The following CAMK4 variants were observed in gnomAD, a reference collection of about 807,000 sequenced individuals.
CAMK4 encodes calcium/calmodulin dependent protein kinase IV, also known as calcium/calmodulin-dependent protein kinase type IV.
In CAMK4, 22 loss-of-function variants were observed where a neutral mutation model predicts 44.9. That is an observed-to-expected ratio of 0.49 (90% CI 0.35 to 0.70). The LOEUF (loss-of-function observed/expected upper bound fraction) is 0.70, where lower values mean the gene tolerates loss of function less well. Among genes scored for constraint, CAMK4 ranks in the 30% least tolerant of loss-of-function variants. The pLI is 0.01. For synonymous variants in CAMK4, 218 were observed against 215.4 expected (o/e 1.01, Z -0.11); for missense variants, 498 against 586.8 (o/e 0.85, Z 1.56).
chr5:111,339,863 A>G (rs777431925), intron 1 of CAMK4, among the ~76,000 whole-genome samples: 2 of 151,314 alleles, frequency 1.3e-5, no homozygotes, highest in Admixed American at 1.3e-4. Flanking sequence ...TGAACACAGG[A>G]TATCTTTTCA....
intron 7 of CAMK4, among the ~76,000 whole-genome samples, chr5:111,460,145 G>A (rs554419676): frequency 6.6e-6 from 1 of 151,698 alleles, no homozygotes; most frequent in African/African-American, 2.4e-5. Context: ...TGTTATTACA[G>A]AAAGGATATG....
In CAMK4 at chr5:111,450,521, C is replaced by T. The variant is rs541758363; in HGVS notation, c.625+1318C>T. Among the ~76,000 whole-genome samples, 71 of 148,116 alleles carry T rather than the reference C, an allele frequency of 4.8e-4. 2 individuals carry two copies. Among genetic ancestry groups the T allele is most frequent in the African/African-American group, 1.8e-3 (70 of 39,354 alleles). On this transcript the variant is annotated intron_variant, in intron 7 of 10. Transcript: ENST00000282356. Reference sequence around the variant, plus strand: ...ACAGACATGTGGCCAGATGCGGTGGCTCATGCCTATAATCCCAGCACTTTC... The same window carrying T: ...ACAGACATGTGGCCAGATGCGGTGGTTCATGCCTATAATCCCAGCACTTTC...
At chr5:111,283,440 T>C (rs1365594427) in intron 1 of CAMK4, among the ~76,000 whole-genome samples, 1 of 152,220 alleles carries the variant, frequency 6.6e-6, no homozygotes, top group Non-Finnish European at 1.5e-5. Flanking sequence ...TTCCAAACAG[T>C]ACCATACTCT....
intron 2 of CAMK4, among the ~76,000 whole-genome samples, chr5:111,364,294 ATTC>A (rs933808913): frequency 6.6e-6 from 1 of 152,076 alleles, no homozygotes; most frequent in Non-Finnish European, 1.5e-5. Flanking sequence ...AGACATGAAG[ATTC>A]TTCTTCTGCT....
At chr5:111,355,746 T>C (rs1363644068) in intron 2 of CAMK4, among the ~76,000 whole-genome samples, 2 of 150,892 alleles carry the variant, frequency 1.3e-5, no homozygotes, top group Non-Finnish European at 3.0e-5. Context: ...AGTGAGAACA[T>C]GTGGTGTTTG....
intron 5 of CAMK4, among the ~76,000 whole-genome samples, chr5:111,395,992 A>C (rs573189120): frequency 9.9e-5 from 15 of 152,190 alleles, no homozygotes; most frequent in Non-Finnish European, 1.9e-4. Context: ...GAAGTCAGCC[A>C]CAGTGACAGA....
intron 1 of CAMK4, among the ~76,000 whole-genome samples, chr5:111,291,449 T>A (rs1341081716): frequency 6.6e-6 from 1 of 152,202 alleles, no homozygotes; most frequent in Non-Finnish European, 1.5e-5. Context: ...TTTTTACTCA[T>A]CCTTATGTCG....
At chr5:111,459,496 A>C (rs986554887) in intron 7 of CAMK4, among the ~76,000 whole-genome samples, 1 of 152,200 alleles carries the variant, frequency 6.6e-6, no homozygotes, top group African/African-American at 2.4e-5. Context: ...GTGGTAATAA[A>C]TAATATCACC....
intron 8 of CAMK4, among the ~76,000 whole-genome samples, chr5:111,477,490 G>A (rs924386443): frequency 2.6e-5 from 4 of 152,050 alleles, no homozygotes; most frequent in African/African-American, 9.7e-5. Context: ...CCCTGCCATG[G>A]GCTTTTTTAA....
At chr5:111,317,726 C>T (rs1002510670) in intron 1 of CAMK4, among the ~76,000 whole-genome samples, 1 of 151,878 alleles carries the variant, frequency 6.6e-6, no homozygotes, top group African/African-American at 2.4e-5. Flanking sequence ...GTGTCCTGTA[C>T]AGCCCCACAG....
At chr5:111,276,860 A>T (rs1750781437) in intron 1 of CAMK4, among the ~76,000 whole-genome samples, 1 of 152,216 alleles carries the variant, frequency 6.6e-6, no homozygotes, top group Non-Finnish European at 1.5e-5. Flanking sequence ...TTTTAAAAAT[A>T]TGATCTTGAC....
chr5:111,395,234 A>G (rs1258115535), intron 5 of CAMK4, among the ~76,000 whole-genome samples: 1 of 150,684 alleles, frequency 6.6e-6, no homozygotes, highest in East Asian at 1.9e-4. Context: ...AAAAGAAAAA[A>G]AAAAAGAAAA....
chr5:111,250,934 G>A lies in CAMK4; in HGVS notation c.161+26290G>A, dbSNP rs73786855. On this transcript the variant is annotated intron_variant, in intron 1 of 10. Coordinates refer to ENST00000282356, the MANE Select transcript of CAMK4 (RefSeq NM_001744.6). The stretch of plus-strand genomic sequence containing the variant: ...GCCTCCCAAAGCATTGGGATTACAG[G>A]GACGAGCCACTGCACCCAGCCATTA... Among the ~76,000 whole-genome samples the A allele has an allele frequency of 7.9e-3, 1,195 of 152,204 alleles. 16 individuals are homozygous for A. The highest frequency in any genetic ancestry group is 0.028 in the African/African-American group (1,144 of 41,520).
Position 111,478,513 on chromosome 5 carries a change from T to G in CAMK4, c.828+6T>G, listed in dbSNP as rs753180014. 6.8e-7 allele frequency: 1 copy of G among 1,470,792 alleles called. No individual in the cohort carries two copies. The highest frequency in any genetic ancestry group is 1.3e-5 in the South Asian group (1 of 77,522). 91.1% of individuals were successfully genotyped at this position (1,470,792 alleles called of 1,614,324 possible). On this transcript the variant is annotated splice_donor_region_variant and intron_variant, in intron 9 of 10. Coordinates refer to ENST00000282356, the MANE Select transcript of CAMK4 (RefSeq NM_001744.6). Reference sequence around the variant, plus strand: ...CTCTAAATGCCAAGGACTTGGTAAGTGTAACCAAAACAAAATGAAACAAAA... The same window carrying G: ...CTCTAAATGCCAAGGACTTGGTAAGGGTAACCAAAACAAAATGAAACAAAA...
Position 111,448,862 on chromosome 5 carries a change from C to T in CAMK4, c.551-267C>T, listed in dbSNP as rs547567098. ...AAAAAAATTGCTTATTTGCTGAAAG[C>T]GGGGAATTGTACAGAAGAACAAAGA... is the stretch of plus-strand genomic sequence containing the variant. On this transcript the variant is annotated intron_variant, in intron 6 of 10. Coordinates refer to ENST00000282356, the MANE Select transcript of CAMK4 (RefSeq NM_001744.6). 5.1e-4 allele frequency among the ~76,000 whole-genome samples: 77 copies of T among 152,054 alleles called. 1 individual carries two copies. Among genetic ancestry groups the T allele is most frequent in the African/African-American group, 1.8e-3 (76 of 41,512 alleles).
intron 1 of CAMK4, among the ~76,000 whole-genome samples, chr5:111,325,157 T>C (rs1231480360): frequency 1.3e-5 from 2 of 152,006 alleles, no homozygotes; most frequent in Non-Finnish European, 2.9e-5. Context: ...GCTTCATCCA[T>C]GTCCCTGCAA....
At chr5:111,314,393 G>T (rs1334836934) in intron 1 of CAMK4, among the ~76,000 whole-genome samples, 1 of 151,984 alleles carries the variant, frequency 6.6e-6, no homozygotes, top group Non-Finnish European at 1.5e-5. Context: ...CTGTTTATTA[G>T]TAAAGCACAT....
intron 6 of CAMK4, among the ~76,000 whole-genome samples, chr5:111,448,053 G>A (rs1446889039): frequency 6.6e-6 from 1 of 152,198 alleles, no homozygotes; most frequent in East Asian, 1.9e-4. Flanking sequence ...CAGGAAATGT[G>A]GGTTTATCTT....
intron 2 of CAMK4, among the ~76,000 whole-genome samples, chr5:111,358,725 C>T (rs1385437057): frequency 6.6e-6 from 1 of 151,962 alleles, no homozygotes; most frequent in East Asian, 1.9e-4. Flanking sequence ...TCCTCCCACC[C>T]TTCACCTCCA....
Sources: gnomAD v4.1 joint callset for allele counts (sites outside exome capture counted in the v4.1 genomes callset) on GRCh38, gnomAD v4.1.1 for gene constraint, MANE v1.5 for transcripts, NCBI Gene and HGNC (gene_info 2026-07-23, HGNC 2026-07-21) for gene names.